ECE1: variants seen among roughly 807,000 people sequenced by gnomAD.
ECE1 encodes endothelin converting enzyme 1.
ECE1 carries 35 observed loss-of-function variants against 98.6 expected under a neutral mutation model. The observed-to-expected ratio is 0.35, with a 90% confidence interval of 0.27 to 0.47. The LOEUF is 0.47. Ranked by LOEUF, ECE1 falls within the 20% of genes least tolerant of loss-of-function variation. The pLI is 1.00. For missense variants in ECE1, 814 were observed against 1,025.3 expected (o/e 0.79, Z 2.81); for synonymous variants, 394 against 407.1 (o/e 0.97, Z 0.39).
At chr1:21,262,735 G>A (rs940150816) in intron 4 of ECE1, among the ~76,000 whole-genome samples, 2 of 152,226 alleles carry the variant, frequency 1.3e-5, no homozygotes, top group Non-Finnish European at 2.9e-5. Context: ...CACCGGGAGG[G>A]AGAAGGAATG....
At chr1:21,324,571 G>C (rs764725047) in intron 1 of ECE1, among the ~76,000 whole-genome samples, 2 of 152,198 alleles carry the variant, frequency 1.3e-5, no homozygotes, top group Non-Finnish European at 2.9e-5. Context: ...GACCAGGAGG[G>C]GCTCTCCCCA....
rs553382440 is a variant in ECE1 at position 21,305,588 on chromosome 1, G to C, written c.4-15432C>G. ...AAGAAGGACTCACAGGAGAACCGCT[G>C]TGTCAGCAGTCCCATCTGGAAATTC... On this transcript the variant is annotated intron_variant, in intron 1 of 18. Transcript: ENST00000415912. 3.3e-5 allele frequency among the ~76,000 whole-genome samples: 5 copies of C among 152,358 alleles called. No homozygotes were observed. In the South Asian group the frequency reaches 6.2e-4, roughly 19 times the overall value.
chr1:21,284,372 G>A (rs2098258312), intron 2 of ECE1, among the ~76,000 whole-genome samples: 1 of 152,238 alleles, frequency 6.6e-6, no homozygotes, highest in African/African-American at 2.4e-5. Flanking sequence ...CTGATGCCTG[G>A]AAGATGCAGA....
intron 1 of ECE1, among the ~76,000 whole-genome samples, chr1:21,341,137 C>T (rs1639390450): frequency 6.6e-6 from 1 of 152,288 alleles, no homozygotes. Context: ...GTCAGGTTCC[C>T]GGTCCAATCC....
At chr1:21,308,686 C>G (rs936130971) in intron 1 of ECE1, among the ~76,000 whole-genome samples, 1 of 152,130 alleles carries the variant, frequency 6.6e-6, no homozygotes, top group Admixed American at 6.5e-5. Flanking sequence ...CTAGTACCCC[C>G]AACCTCTGAA....
At chr1:21,341,814 T>C (rs756622390) in intron 1 of ECE1, among the ~76,000 whole-genome samples, 5 of 151,936 alleles carry the variant, frequency 3.3e-5, no homozygotes, top group Non-Finnish European at 5.9e-5. Flanking sequence ...CCTACCTTTT[T>C]TTTTTTTAAG....
chr1:21,274,184 G>A (rs4654916), intron 3 of ECE1, among the ~76,000 whole-genome samples: 19,378 of 152,258 alleles, frequency 0.13, 1,735 homozygotes, highest in African/African-American at 0.25. Context: ...GAACAAGGTC[G>A]CCCAGCTATG....
At chr1:21,239,632 T>A (rs147949014) in intron 10 of ECE1, among the ~76,000 whole-genome samples, 73 of 152,272 alleles carry the variant, frequency 4.8e-4, no homozygotes, top group African/African-American at 1.7e-3. Context: ...GCACATCGTG[T>A]ATAATTCCGT....
chr1:21,286,248 A>T (rs1200235287), intron 2 of ECE1, among the ~76,000 whole-genome samples: 1 of 152,208 alleles, frequency 6.6e-6, no homozygotes, highest in Non-Finnish European at 1.5e-5. Flanking sequence ...GTGTGGGAAG[A>T]TCAGGCAGCT....
At chr1:21,311,819 A>T (rs1003210884) in intron 1 of ECE1, among the ~76,000 whole-genome samples, 13 of 151,342 alleles carry the variant, frequency 8.6e-5, no homozygotes, top group Non-Finnish European at 1.0e-4. Context: ...CTCAAAAAAA[A>T]ATTTTTTTAA....
At chr1:21,310,792 T>A (rs1235906675) in intron 1 of ECE1, among the ~76,000 whole-genome samples, 1 of 152,140 alleles carries the variant, frequency 6.6e-6, no homozygotes, top group Admixed American at 6.5e-5. Flanking sequence ...GATCATAAAC[T>A]ACTTTTGACG....
chr1:21,257,212 GC>G (rs2103286671), intron 7 of ECE1, among the ~76,000 whole-genome samples: 1 of 152,346 alleles, frequency 6.6e-6, no homozygotes, highest in South Asian at 2.1e-4. Flanking sequence ...TTCAGTATCT[GC>G]AGGGTTAATG....
In ECE1 at chr1:21,327,539, C is replaced by T. The variant is rs753008118; in HGVS notation, c.3+17837G>A. Among the ~76,000 whole-genome samples the T allele has an allele frequency of 5.9e-5, 9 of 152,180 alleles. No homozygotes were observed. Among genetic ancestry groups the T allele is most frequent in the African/African-American group, 2.2e-4 (9 of 41,434 alleles). On this transcript the variant is annotated intron_variant, in intron 1 of 18. Coordinates refer to the ECE1 transcript ENST00000415912. The surrounding 1 kb of genome is among the most constrained non-coding windows in gnomAD (Gnocchi z 4.6). ...TCTTAGCTCCCTGCTGACACCCCTT[C>T]GAGAACCGGGAGACCTCCACCCTGC...
chr1:21,272,620 G>A (rs1186779101), intron 4 of ECE1, 79 bp downstream of exon 4: 6 of 1,562,008 alleles, frequency 3.8e-6, no homozygotes, highest in Non-Finnish European at 5.3e-6. Flanking sequence ...CTTTAAGCAG[G>A]CGCAGCTGGG....
chr1:21,238,891 T>G (rs571172151), intron 10 of ECE1, among the ~76,000 whole-genome samples: 6 of 152,138 alleles, frequency 3.9e-5, no homozygotes, highest in Admixed American at 2.6e-4. Flanking sequence ...CACAGCTCAC[T>G]GCAGCCTCGA....
At chr1:21,287,320 G>A (rs1392214560) in intron 2 of ECE1, among the ~76,000 whole-genome samples, 1 of 152,172 alleles carries the variant, frequency 6.6e-6, no homozygotes, top group East Asian at 1.9e-4. Flanking sequence ...GAGGGCAGGA[G>A]TTCGAGACCA....
At chr1:21,282,883 G>T (rs565721072) in intron 2 of ECE1, among the ~76,000 whole-genome samples, 17 of 152,042 alleles carry the variant, frequency 1.1e-4, no homozygotes, top group Admixed American at 2.6e-4. Flanking sequence ...AGTGCTAAGG[G>T]CCTGGGATCA....
In ECE1 at chr1:21,340,849, A is replaced by G. The variant is rs1639384629; in HGVS notation, c.3+4527T>C. ...TATGTCTCAATAAATAAGTAAATTAATTAAATTTAAAAAATAAACTCCTGA... is the reference window on the plus strand; with the variant it reads ...TATGTCTCAATAAATAAGTAAATTAGTTAAATTTAAAAAATAAACTCCTGA... On this transcript the variant is annotated intron_variant, in intron 1 of 18. Coordinates refer to the ECE1 transcript ENST00000415912. This position sits in a 1 kb window ranked among gnomAD's most constrained non-coding sequence, Gnocchi z 4.6. 6.6e-6 allele frequency among the ~76,000 whole-genome samples: 1 copy of G among 152,098 alleles called. No individual in the cohort carries two copies. Among genetic ancestry groups the G allele is most frequent in the Non-Finnish European group, 1.5e-5 (1 of 68,026 alleles).
intron 10 of ECE1, among the ~76,000 whole-genome samples, chr1:21,244,332 T>A (rs2098200375): frequency 1.3e-5 from 2 of 152,194 alleles, no homozygotes; most frequent in Admixed American, 6.5e-5. Flanking sequence ...CTCACCTGTC[T>A]CAGTATTCCC....
Sources: gnomAD v4.1 joint callset for allele counts (sites outside exome capture counted in the v4.1 genomes callset) on GRCh38, gnomAD v4.1.1 for gene constraint, Gnocchi (gnomAD v3.1) non-coding constraint, MANE v1.5 for transcripts, NCBI Gene and HGNC (gene_info 2026-07-23, HGNC 2026-07-21) for gene names.